SEPTIN14: variants seen among roughly 807,000 people sequenced by gnomAD.
The protein encoded by SEPTIN14 is septin-14.
Under a neutral mutation model 53.6 loss-of-function variants are expected in SEPTIN14, and 40 were observed. That is an observed-to-expected ratio of 0.75 (90% CI 0.58 to 0.97). SEPTIN14 has a LOEUF of 0.97. Ranked by LOEUF, SEPTIN14 falls within the 50% of genes least tolerant of loss-of-function variation. The pLI, the probability that SEPTIN14 is intolerant of heterozygous loss-of-function variation, is 0.00. For synonymous variants in SEPTIN14, 138 were observed against 166.8 expected, an observed-to-expected ratio of 0.83 and a Z score of 1.33; for missense variants, 471 against 508.2, an observed-to-expected ratio of 0.93 and a Z score of 0.70.
intron 6 of SEPTIN14, among the ~76,000 whole-genome samples, chr7:55,830,345 A>ATTTTTTTTTTTTTTTT (rs1337453699): frequency 2.5e-5 from 1 of 40,104 alleles, no homozygotes; most frequent in Non-Finnish European, 3.7e-5. Context: ...ATATATATAT[A>ATTTTTTTTTTTTTTTT]TATATTTTTT....
chr7:55,799,857 A>C (rs2115949587), intron 9 of SEPTIN14, among the ~76,000 whole-genome samples: 1 of 152,288 alleles, frequency 6.6e-6, no homozygotes, highest in African/African-American at 2.4e-5. Context: ...GTAGGGAAAG[A>C]GTAGATGTGA....
In SEPTIN14 at chr7:55,811,191, AGCCATTCAT is replaced by A. The variant is rs528400848; in HGVS notation, c.818-3942_818-3934del. ...GTTTCCTCCAAGGGAGAAGTAGTTG[AGCCATTCAT>A]GCCATTCATCTTTGCGCAGTGCCTT... is the stretch of plus-strand genomic sequence containing the variant. On this transcript the variant is annotated intron_variant, in intron 7 of 9. Transcript: ENST00000388975. 584 of 515,708 alleles carry A rather than the reference AGCCATTCAT, an allele frequency of 1.1e-3. 5 individuals carry two copies. The highest frequency in any genetic ancestry group is 9.5e-3 in the African/African-American group (492 of 51,700). The allele number at this position is 515,708 out of a possible 1,614,324, so 31.9% of individuals were successfully genotyped here.
chr7:55,838,142 T>A (rs1288417548), intron 5 of SEPTIN14, among the ~76,000 whole-genome samples: 1 of 152,192 alleles, frequency 6.6e-6, no homozygotes, highest in Non-Finnish European at 1.5e-5. Flanking sequence ...CAGAGTCTCA[T>A]ATCGATTTTG....
intron 7 of SEPTIN14, among the ~76,000 whole-genome samples, chr7:55,813,334 C>G (rs1788737673): frequency 6.6e-6 from 1 of 152,156 alleles, no homozygotes; most frequent in African/African-American, 2.4e-5. Context: ...GCTACCTCCA[C>G]CACTAGTTAA....
chr7:55,796,421 C>T (rs1419221404), intron 9 of SEPTIN14, among the ~76,000 whole-genome samples: 7 of 152,022 alleles, frequency 4.6e-5, no homozygotes, highest in Non-Finnish European at 1.0e-4. Context: ...CACCACCATG[C>T]CCAGCTAATT....
At chr7:55,830,343 A>ATTT (rs1454944685) in intron 6 of SEPTIN14, among the ~76,000 whole-genome samples, 599 of 26,112 alleles carry the variant, frequency 0.023, 20 homozygotes, top group Non-Finnish European at 0.025. Flanking sequence ...ATATATATAT[A>ATTT]TATATATTTT....
chr7:55,836,870 AAGTACAAAGT>A (rs2116037305), intron 5 of SEPTIN14, among the ~76,000 whole-genome samples: 1 of 152,348 alleles, frequency 6.6e-6, no homozygotes, highest in Non-Finnish European at 1.5e-5. Context: ...ATCTGAGATT[AAGTACAAAGT>A]CTCTTTTCAG....
chr7:55,835,432 G>A (rs1789188905), intron 5 of SEPTIN14, among the ~76,000 whole-genome samples: 2 of 152,090 alleles, frequency 1.3e-5, no homozygotes, highest in South Asian at 2.1e-4. Flanking sequence ...TCGATCTCCT[G>A]ACCTCGTGAT....
At chr7:55,835,566 T>A (rs772609808) in intron 5 of SEPTIN14, among the ~76,000 whole-genome samples, 24 of 152,142 alleles carry the variant, frequency 1.6e-4, no homozygotes, top group Admixed American at 9.8e-4. Flanking sequence ...TTCAAAGAAC[T>A]TTCCTCAAAA....
intron 3 of SEPTIN14, 122 bp downstream of exon 3, chr7:55,846,395 A>G: frequency 1.5e-6 from 1 of 685,754 alleles, no homozygotes; most frequent in Non-Finnish European, 2.3e-6. Context: ...CTAAGATGAG[A>G]ATCACTGTAA....
intron 6 of SEPTIN14, among the ~76,000 whole-genome samples, chr7:55,821,493 G>A (rs1424497455): frequency 6.6e-6 from 1 of 152,102 alleles, no homozygotes; most frequent in Non-Finnish European, 1.5e-5. Flanking sequence ...GACCTGAATA[G>A]CCAAAAAAAT....
chr7:55,804,253 G>A (rs1446737122), intron 9 of SEPTIN14, among the ~76,000 whole-genome samples: 1 of 148,754 alleles, frequency 6.7e-6, no homozygotes, highest in African/African-American at 2.5e-5. Flanking sequence ...TAAGCTAATG[G>A]TTTGGTTTTT....
chr7:55,807,765 C>T (rs1324477446), intron 7 of SEPTIN14, among the ~76,000 whole-genome samples: 9 of 152,072 alleles, frequency 5.9e-5, no homozygotes, highest in Admixed American at 4.6e-4. Context: ...AACAAATTCA[C>T]ATAGCTGTTT....
In SEPTIN14 at chr7:55,856,915, T is replaced by A. The variant is rs192496183; in HGVS notation, c.54+5028A>T. Among the ~76,000 whole-genome samples the A allele has an allele frequency of 3.7e-3, 543 of 147,570 alleles. 5 individuals carry two copies. Among genetic ancestry groups the A allele is most frequent in the African/African-American group, 0.013 (513 of 39,936 alleles). ...TGGTGAAACCCCATCCCTACTAAAA[T>A]TACAAACATTAGCTGGGCGTGGTGC... On this transcript the variant is annotated intron_variant, in intron 2 of 9. Transcript: ENST00000388975.
chr7:55,830,347 A>ATT (rs1283196897), intron 6 of SEPTIN14, among the ~76,000 whole-genome samples: 1,674 of 50,102 alleles, frequency 0.033, 71 homozygotes, highest in Middle Eastern at 0.043. Flanking sequence ...ATATATATAT[A>ATT]TATTTTTTTT....
chr7:55,813,076 A>G (rs1217335633), intron 7 of SEPTIN14, among the ~76,000 whole-genome samples: 2 of 152,144 alleles, frequency 1.3e-5, no homozygotes, highest in East Asian at 1.9e-4. Context: ...CAGCCTCCCA[A>G]GTAGCTGGGA....
chr7:55,848,780 TG>T (rs1182490229), intron 2 of SEPTIN14, among the ~76,000 whole-genome samples: 1 of 151,460 alleles, frequency 6.6e-6, no homozygotes, highest in African/African-American at 2.4e-5. Flanking sequence ...GCTAATTTTT[TG>T]TATTTTTAGT....
intron 6 of SEPTIN14, among the ~76,000 whole-genome samples, chr7:55,824,610 C>T (rs28796942): frequency 0.069 from 9,629 of 138,946 alleles, 697 homozygotes; most frequent in African/African-American, 0.2. Context: ...TGGTGAAACC[C>T]CATCTCTACT....
intron 2 of SEPTIN14, among the ~76,000 whole-genome samples, chr7:55,857,699 T>A (rs1309094976): frequency 1.4e-5 from 2 of 142,196 alleles, no homozygotes; most frequent in Admixed American, 7.4e-5. Flanking sequence ...GCCATTCTCC[T>A]GCCTCAGCCT....
Sources: allele counts gnomAD v4.1 joint callset (sites outside exome capture counted in the v4.1 genomes callset), GRCh38; gene constraint gnomAD v4.1.1; transcripts MANE v1.5; gene names NCBI Gene and HGNC (gene_info 2026-07-23, HGNC 2026-07-21).